SLAMF7: variants seen among roughly 807,000 people sequenced by gnomAD.
SLAMF7 encodes the protein SLAM family member 7.
A neutral mutation model predicts 34.1 loss-of-function variants in SLAMF7; 26 were observed. The observed-to-expected ratio is 0.76, with a 90% CI of 0.56 to 1.06. The LOEUF is 1.06. SLAMF7 is among the 50% of genes least tolerant of loss of function. SLAMF7 has a pLI of 0.00. For synonymous variants in SLAMF7, 171 were observed against 156.4 expected (o/e 1.09, Z -0.70); for missense variants, 399 against 402.5 (o/e 0.99, Z 0.07).
chr1:160,744,611 T>A (rs993487298), intron 1 of SLAMF7, among the ~76,000 whole-genome samples: 1 of 152,222 alleles, frequency 6.6e-6, no homozygotes, highest in Non-Finnish European at 1.5e-5. Flanking sequence ...AGTAATTGCA[T>A]GTGAAAAGAG....
Position 160,749,898 on chromosome 1 carries a change from T to C in SLAMF7, c.454T>C (p.Cys152Arg). 1 of 1,614,072 alleles carries C rather than the reference T, an allele frequency of 6.2e-7. No homozygotes were observed. The highest frequency in any genetic ancestry group is 8.5e-7 in the Non-Finnish European group (1 of 1,179,946). The part of the protein sequence containing the change: ...NGTCVTNLTC[C>R]MEHGEEDVIY... ...CACCTGTGTGACCAATCTGACATGCTGCATGGAACATGGGGAAGAGGATGT... is the reference window on the plus strand; with the variant it reads ...CACCTGTGTGACCAATCTGACATGCCGCATGGAACATGGGGAAGAGGATGT... The change falls in exon 3 of 7, where the codon TGC becomes CGC. Residue 152 changes from cysteine (C) to arginine (R), a missense_variant. Transcript: ENST00000368043.
chr1:160,751,554 GAT>G (rs1158018313), intron 5 of SLAMF7, 106 bp downstream of exon 5: 22 of 862,378 alleles, frequency 2.6e-5, no homozygotes, highest in Non-Finnish European at 4.2e-5. Flanking sequence ...GGGGAGTGAG[GAT>G]ATATAGACTT....
Position 160,752,252 on chromosome 1 carries a change from A to G in SLAMF7, c.936+4A>G. Reference sequence around the variant, plus strand: ...CACTGTGGAAATACCGAAAAAGGTAAGAAGCTTTAGAGCTTAACTTCATCT... The same window carrying G: ...CACTGTGGAAATACCGAAAAAGGTAGGAAGCTTTAGAGCTTAACTTCATCT... On this transcript the variant is annotated splice_donor_region_variant and intron_variant, in intron 6 of 6. Transcript: ENST00000368043. The G allele has an allele frequency of 1.2e-6, 2 of 1,610,800 alleles. No individual in the cohort carries two copies. Among genetic ancestry groups the G allele is most frequent in the Non-Finnish European group, 1.7e-6 (2 of 1,177,192 alleles).
Position 160,749,718 on chromosome 1 carries a change from C to A in SLAMF7, c.377-103C>A, listed in dbSNP as rs376001567. On this transcript the variant is annotated intron_variant, in intron 2 of 6. Coordinates refer to ENST00000368043, the MANE Select transcript of SLAMF7 (RefSeq NM_021181.5). Reference sequence around the variant, plus strand: ...TCTGAATTACTGCTTTCTCTCCAGTCTGGAGCTCCCAGGGAGATTCAGGTC... The same window carrying A: ...TCTGAATTACTGCTTTCTCTCCAGTATGGAGCTCCCAGGGAGATTCAGGTC... The A allele has an allele frequency of 1.5e-5, 15 of 1,019,496 alleles. No homozygotes were observed. The East Asian group carries it at 1.9e-4, about 13-fold the overall frequency. The allele number at this position is 1,019,496 out of a possible 1,614,324, so 63.2% of individuals were successfully genotyped here.
At chr1:160,744,221 G>A (rs114595519) in intron 1 of SLAMF7, among the ~76,000 whole-genome samples, 1,742 of 152,298 alleles carry the variant, frequency 0.011, 26 homozygotes, top group African/African-American at 0.04. Flanking sequence ...ATCACAGAAA[G>A]AAGAGCTTCA....
At position 160,748,235 on chromosome 1, in the gene SLAMF7, G is replaced by C. The variant is rs781511925; in HGVS notation, c.97G>C (p.Val33Leu). 3.7e-6 allele frequency: 6 copies of C among 1,614,070 alleles called. No individual in the cohort carries two copies. In the Admixed American group the frequency reaches 8.3e-5, roughly 22 times the overall value. ...ACCCGTGAAAGAGCTGGTCGGTTCC[G>C]TTGGTGGGGCCGTGACTTTCCCCCT... ...SGPVKELVGS[V>L]GGAVTFPLKS... The change falls in exon 2 of 7, where the codon GTT (valine) becomes CTT (leucine). Residue 33 changes from valine (V) to leucine (L), a missense_variant. Physicochemically the swap from Val to Leu is conservative, Grantham distance 32. Coordinates refer to ENST00000368043, the MANE Select transcript of SLAMF7 (RefSeq NM_021181.5).
chr1:160,752,625 T>C (rs1184603905), intron 6 of SLAMF7, among the ~76,000 whole-genome samples: 1 of 152,186 alleles, frequency 6.6e-6, no homozygotes, highest in Non-Finnish European at 1.5e-5. Flanking sequence ...ACCAGGAAAC[T>C]GCAGGAGGGA....
Position 160,753,238 on chromosome 1 carries a change from A to T in SLAMF7, c.*61A>T, listed in dbSNP as rs77256492. On this transcript the variant is annotated 3_prime_UTR_variant, in exon 7 of 7. Coordinates refer to ENST00000368043, the MANE Select transcript of SLAMF7 (RefSeq NM_021181.5). Reference sequence around the variant, plus strand: ...AAAAACAATTCTCGGCCCAAAGAAAACAATCAGAAGAATTCACTGATTTGA... The same window carrying T: ...AAAAACAATTCTCGGCCCAAAGAAATCAATCAGAAGAATTCACTGATTTGA... The T allele has an allele frequency of 7.1e-7, 1 of 1,417,090 alleles. No individual in the cohort carries two copies. Among genetic ancestry groups the T allele is most frequent in the East Asian group, 2.3e-5 (1 of 43,810 alleles). 87.8% of individuals were successfully genotyped at this position (1,417,090 alleles called of 1,614,324 possible). A position where few individuals can be genotyped will look rare whatever the true frequency, so the allele number is the denominator to read the frequency against.
At chr1:160,741,125 G>A (rs1558051696) in intron 1 of SLAMF7, among the ~76,000 whole-genome samples, 1 of 152,190 alleles carries the variant, frequency 6.6e-6, no homozygotes, top group Non-Finnish European at 1.5e-5. Context: ...GGATATGGGT[G>A]TACCAACAGG....
intron 2 of SLAMF7, among the ~76,000 whole-genome samples, chr1:160,749,000 C>A (rs1046823046): frequency 6.6e-6 from 1 of 152,170 alleles, no homozygotes; most frequent in Admixed American, 6.5e-5. Context: ...TGCTTCCTTT[C>A]AATTCTAGAC....
Position 160,741,037 on chromosome 1 carries a change from G to C in SLAMF7, c.55+1681G>C, listed in dbSNP as rs370281581. Among the ~76,000 whole-genome samples the C allele has an allele frequency of 3.9e-5, 6 of 152,278 alleles. No homozygotes were observed. The South Asian group carries it at 6.2e-4, about 16-fold the overall frequency. ...ATCTTCCTCAGGGAGTACCAGTTGG[G>C]GTTTCTTCCCTCTCCAGGTACATAA... On this transcript the variant is annotated intron_variant, in intron 1 of 6. Coordinates refer to ENST00000368043, the MANE Select transcript of SLAMF7 (RefSeq NM_021181.5).
intron 4 of SLAMF7, chr1:160,750,684 A>G (rs1664498472): frequency 2.8e-6 from 1 of 357,902 alleles, no homozygotes; most frequent in African/African-American, 2.1e-5. Context: ...TCCTTCTCCC[A>G]GAGGGACATC....
chr1:160,749,490 C>T (rs1001435685), intron 2 of SLAMF7, among the ~76,000 whole-genome samples: 1 of 152,222 alleles, frequency 6.6e-6, no homozygotes, highest in South Asian at 2.1e-4. Flanking sequence ...ACTAGGGAAC[C>T]TCTAGAACAG....
chr1:160,749,677 C>A, intron 2 of SLAMF7, 144 bp from the exon 3 acceptor site: 1 of 622,748 alleles, frequency 1.6e-6, no homozygotes. Context: ...TTTCCAGATA[C>A]GAATGAGGAT....
intron 4 of SLAMF7, 124 bp downstream of exon 4, chr1:160,750,547 A>G: frequency 8.7e-7 from 1 of 1,154,364 alleles, no homozygotes. Flanking sequence ...GAGATGAAGA[A>G]GCCACAGTCT....
intron 1 of SLAMF7, among the ~76,000 whole-genome samples, chr1:160,747,331 A>G: frequency 6.6e-6 from 1 of 152,210 alleles, no homozygotes; most frequent in East Asian, 1.9e-4. Context: ...TGTGCCTCAC[A>G]TTCCTGATCC....
Position 160,748,438 on chromosome 1 carries a change from A to T in SLAMF7, c.300A>T (p.Ser100=). The part of the protein sequence containing the change: ...LKLSKLKKND[S]GIYYVGIYSS... ...TCAGCAAACTGAAGAAGAATGACTCAGGGATCTACTATGTGGGGATATACA... is the reference window on the plus strand; with the variant it reads ...TCAGCAAACTGAAGAAGAATGACTCTGGGATCTACTATGTGGGGATATACA... The change falls in exon 2 of 7, where the codon TCA becomes TCT. Residue 100 remains serine (S), a synonymous_variant. Transcript: ENST00000368043. 6.2e-7 allele frequency: 1 copy of T among 1,614,132 alleles called. No individual in the cohort carries two copies. Among genetic ancestry groups the T allele is most frequent in the African/African-American group, 1.3e-5 (1 of 75,040 alleles).
Position 160,748,325 on chromosome 1 carries a change from A to C in SLAMF7, c.187A>C (p.Ile63Leu). The change falls in exon 2 of 7, where the codon ATA (isoleucine) becomes CTA (leucine). Residue 63 changes from isoleucine to leucine, a missense_variant. Ile to Leu is a conservative substitution (Grantham distance 5). Coordinates refer to ENST00000368043, the MANE Select transcript of SLAMF7 (RefSeq NM_021181.5). ...CTTCAACACAACCCCTCTTGTCACC[A>C]TACAGCCAGAAGGGGGCACTATCAT... The part of the protein sequence containing the change: ...WTFNTTPLVT[I>L]QPEGGTIIVT... 1 of 1,614,084 alleles carries C rather than the reference A, an allele frequency of 6.2e-7. No homozygotes were observed. Among genetic ancestry groups the C allele is most frequent in the Non-Finnish European group, 8.5e-7 (1 of 1,179,952 alleles).
chr1:160,752,175 G>T lies in SLAMF7; in HGVS notation c.874-11G>T. The T allele has an allele frequency of 6.2e-7, 1 of 1,609,622 alleles. No individual in the cohort carries two copies. Among genetic ancestry groups the T allele is most frequent in the Non-Finnish European group, 8.5e-7 (1 of 1,176,720 alleles). On this transcript the variant is annotated splice_polypyrimidine_tract_variant and intron_variant, in intron 5 of 6. Coordinates refer to ENST00000368043, the MANE Select transcript of SLAMF7 (RefSeq NM_021181.5). ...TGATGATTTCTTTTGTTTGTTGTTT[G>T]TTTTTAAAAGAGAACAATCCTAAAG...
Sources: allele counts gnomAD v4.1 joint callset (sites outside exome capture counted in the v4.1 genomes callset), GRCh38; gene constraint gnomAD v4.1.1; transcripts MANE v1.5; gene names NCBI Gene and HGNC (gene_info 2026-07-23, HGNC 2026-07-21).